INSL6: variants seen among roughly 807,000 people sequenced by gnomAD.
The protein encoded by INSL6 is insulin like 6, also known as insulin-like peptide INSL6.
In INSL6, 16 loss-of-function variants were observed where a neutral mutation model predicts 9.4. The observed-to-expected ratio is 1.70, with a 90% confidence interval of 1.15 to 2.59. The LOEUF is 2.59. INSL6 is among the 30% of genes most tolerant of loss of function. The pLI, the probability that INSL6 is intolerant of heterozygous loss-of-function variation, is 0.00. For missense variants in INSL6, 391 were observed against 257.3 expected (o/e 1.52, Z -3.56); for synonymous variants, 154 against 96.9 (o/e 1.59, Z -3.46).
downstream of INSL6, among the ~76,000 whole-genome samples, chr9:5,161,219 T>G (rs1431811648): frequency 6.6e-6 from 1 of 152,014 alleles, no homozygotes; most frequent in Non-Finnish European, 1.5e-5. Flanking sequence ...CAACAACACA[T>G]TAAAAAATCA....
chr9:5,110,004 GGTTTT>G, the INSL6 span: 1 of 152,146 alleles, frequency 6.6e-6, no homozygotes, highest in South Asian at 2.1e-4. Flanking sequence ...CGGCGACATT[GGTTTT>G]ATTTTAGTTA....
At chr9:4,996,351 G>A in the INSL6 span, among the ~76,000 whole-genome samples, 2 of 152,158 alleles carry the variant, frequency 1.3e-5, no homozygotes. Flanking sequence ...GGGAGGCTGA[G>A]ACAGGAGAAT....
the INSL6 span, chr9:5,080,206 A>C: frequency 1.3e-6 from 2 of 1,576,898 alleles, no homozygotes; most frequent in Non-Finnish European, 1.7e-6. Context: ...ATTTAACCCT[A>C]CTCTGTTCGT....
chr9:5,068,948 T>A, the INSL6 span: 3 of 814,826 alleles, frequency 3.7e-6, no homozygotes, highest in Non-Finnish European at 5.7e-6. Context: ...TCTTGTGATA[T>A]CATTTTGTCA....
At chr9:5,161,567 G>T (rs1267585195), downstream of INSL6, among the ~76,000 whole-genome samples, 1 of 152,082 alleles carries the variant, frequency 6.6e-6, no homozygotes, top group Non-Finnish European at 1.5e-5. Context: ...ATTCAACATA[G>T]TACTGGAGGT....
At chr9:5,182,369 C>A (rs146275327) in intron 1 of INSL6, among the ~76,000 whole-genome samples, 1 of 151,636 alleles carries the variant, frequency 6.6e-6, no homozygotes. Context: ...ATATAATAAA[C>A]ACATTACAAC....
At chr9:5,063,167 TG>T in the INSL6 span, among the ~76,000 whole-genome samples, 3 of 152,194 alleles carry the variant, frequency 2.0e-5, no homozygotes, top group South Asian at 6.2e-4. Context: ...TGTTCATTGC[TG>T]GGCCAAGAAA....
intron 2 of INSL6, among the ~76,000 whole-genome samples, chr9:5,155,537 AAAAAG>A (rs1824798857): frequency 1.3e-5 from 2 of 151,910 alleles, no homozygotes; most frequent in Admixed American, 1.3e-4. Flanking sequence ...AATAAAAAAA[AAAAAG>A]AAAAAAGAAA....
chr9:5,025,681 C>G, the INSL6 span, among the ~76,000 whole-genome samples: 4 of 152,058 alleles, frequency 2.6e-5, no homozygotes, highest in Admixed American at 2.0e-4. Context: ...TACAGGCACC[C>G]ACCACCACAC....
chr9:4,998,613 T>A, the INSL6 span, among the ~76,000 whole-genome samples: 2 of 152,036 alleles, frequency 1.3e-5, no homozygotes, highest in African/African-American at 2.4e-5. Flanking sequence ...GTTCACACTT[T>A]TTCTGTATGT....
intron 2 of INSL6, among the ~76,000 whole-genome samples, chr9:5,149,638 T>G (rs1824673608): frequency 6.6e-6 from 1 of 152,122 alleles, no homozygotes; most frequent in African/African-American, 2.4e-5. Flanking sequence ...GACTGAAATA[T>G]CTTTAAAATG....
At chr9:5,105,142 C>T in the INSL6 span, among the ~76,000 whole-genome samples, 8 of 152,136 alleles carry the variant, frequency 5.3e-5, no homozygotes. Flanking sequence ...GATGACACGA[C>T]TGTATATTTA....
At chr9:5,075,133 T>C in the INSL6 span, among the ~76,000 whole-genome samples, 46 of 152,112 alleles carry the variant, frequency 3.0e-4, no homozygotes, top group Non-Finnish European at 4.7e-4. Context: ...AGAAGAAAAG[T>C]TGGAAGCTAG....
At chr9:5,156,098 A>G (rs1824811244) in intron 2 of INSL6, among the ~76,000 whole-genome samples, 1 of 152,048 alleles carries the variant, frequency 6.6e-6, no homozygotes, top group East Asian at 1.9e-4. Context: ...ATGCCAATAA[A>G]TATGACTAAG....
chr9:4,994,972 A>AT, the INSL6 span, among the ~76,000 whole-genome samples: 2 of 152,170 alleles, frequency 1.3e-5, no homozygotes, highest in Admixed American at 1.3e-4. Flanking sequence ...ATAACTAAAG[A>AT]TTAAGTAGAA....
chr9:5,041,633 T>C, the INSL6 span: 3 of 501,230 alleles, frequency 6.0e-6, no homozygotes, highest in Non-Finnish European at 1.2e-5. Context: ...GCCTGGACTT[T>C]GAGAAGCTCG....
chr9:5,096,708 A>G, the INSL6 span: 2 of 152,160 alleles, frequency 1.3e-5, no homozygotes, highest in African/African-American at 4.8e-5. Context: ...TCACAAAGCT[A>G]TCGGAACACT....
chr9:5,093,941 G>A, the INSL6 span, among the ~76,000 whole-genome samples: 7 of 151,944 alleles, frequency 4.6e-5, no homozygotes, highest in Non-Finnish European at 8.8e-5. Flanking sequence ...AGAGAAATAC[G>A]GCCCACTTCA....
chr9:5,028,077 A>G, the INSL6 span, among the ~76,000 whole-genome samples: 1 of 152,122 alleles, frequency 6.6e-6, no homozygotes, highest in African/African-American at 2.4e-5. Context: ...TTTTTTATTT[A>G]CTTTGCTTAG....
Sources: gnomAD v4.1 joint callset for allele counts (sites outside exome capture counted in the v4.1 genomes callset) on GRCh38, gnomAD v4.1.1 for gene constraint, MANE v1.5 for transcripts, NCBI Gene and HGNC (gene_info 2026-07-23, HGNC 2026-07-21) for gene names.